TFR2: variants seen among roughly 807,000 people sequenced by gnomAD.
TFR2 encodes transferrin receptor protein 2.
In TFR2, 64 loss-of-function variants were observed where a neutral mutation model predicts 91.9. The ratio of observed to expected loss-of-function variants is 0.70; its 90% CI spans 0.57 to 0.86. The LOEUF (loss-of-function observed/expected upper bound fraction) is 0.86. Among genes scored for constraint, TFR2 ranks in the 40% least tolerant of loss-of-function variants. TFR2 has a pLI of 0.00. For synonymous variants in TFR2, 454 were observed against 459.6 expected, an observed-to-expected ratio of 0.99 and a Z score of 0.15; for missense variants, 950 against 1,080.5, an observed-to-expected ratio of 0.88 and a Z score of 1.69.
At chr7:100,630,505 G>A (rs1803403774) in intron 9 of TFR2, among the ~76,000 whole-genome samples, 2 of 152,036 alleles carry the variant, frequency 1.3e-5, no homozygotes. Context: ...AGCCAAGCTG[G>A]TCTCAAACTC....
rs1803071522 is a variant in TFR2 at position 100,620,463 on chromosome 7, C to T, written c.*394G>A. On this transcript the variant is annotated 3_prime_UTR_variant, in exon 18 of 18. Transcript: ENST00000223051. ...TTATTGATATTGAAACTCCACGCCC[C>T]TTTCACCACAGACCACCTGTTGGCC... 5.3e-6 allele frequency: 1 copy of T among 189,148 alleles called. No individual in the cohort carries two copies. Among genetic ancestry groups the T allele is most frequent in the Non-Finnish European group, 1.1e-5 (1 of 90,608 alleles). 11.7% of individuals were successfully genotyped at this position (189,148 alleles called of 1,614,324 possible).
chr7:100,627,283 T>G lies in TFR2; in HGVS notation c.1976A>C (p.Glu659Ala). The change falls in exon 16 of 18, where the codon GAG (glutamate) becomes GCG (alanine). Residue 659 changes from glutamate (E) to alanine (A), a missense_variant. By Grantham distance (107) the Glu-to-Ala change is moderately radical. Coordinates refer to ENST00000223051, the MANE Select transcript of TFR2 (RefSeq NM_003227.4). ...TTGAACCTTGAGGTCCCCAGAGAAC[T>G]CGTTGAGGTTCCCGATGTGCCTGAG... ...VVLRHIGNLN[E>A]FSGDLKARGL... 6.5e-7 allele frequency: 1 copy of G among 1,549,218 alleles called. No individual in the cohort carries two copies. The highest frequency in any genetic ancestry group is 8.7e-7 in the Non-Finnish European group (1 of 1,146,774).
At chr7:100,629,189 ATCCTCC>A (rs1803356862) in intron 10 of TFR2, 58 bp downstream of exon 10, 25 of 1,603,920 alleles carry the variant, frequency 1.6e-5, no homozygotes, top group Non-Finnish European at 2.0e-5. Context: ...TCTCTGCCCT[ATCCTCC>A]TCGGGCCACA....
Position 100,627,427 on chromosome 7 carries a change from A to C in TFR2, c.1832T>G (p.Leu611Arg). ...GGCCACGGCGGGCAGGCGGCCTTGC[A>C]GCACCTTATGCAGGTTCTCATAAGT... ...EDTYENLHKV[L>R]QGRLPAVAQA... Residue 611 changes from leucine (L) to arginine (R), a missense_variant, in exon 16 of 18, where the codon CTG becomes CGG. Physicochemically the swap from Leu to Arg is moderately radical, Grantham distance 102 (BLOSUM62 -2). Coordinates refer to ENST00000223051, the MANE Select transcript of TFR2 (RefSeq NM_003227.4). 1 of 1,583,794 alleles carries C rather than the reference A, an allele frequency of 6.3e-7. No individual in the cohort carries two copies. The highest frequency in any genetic ancestry group is 8.6e-7 in the Non-Finnish European group (1 of 1,165,176).
intron 6 of TFR2, chr7:100,632,690 C>T: frequency 2.8e-6 from 1 of 361,308 alleles, no homozygotes; most frequent in Non-Finnish European, 5.1e-6. Context: ...GCTGGGACCA[C>T]ATGCATGTGC....
chr7:100,640,618 G>A, intron 3 of TFR2, 68 bp downstream of exon 3: 3 of 1,561,392 alleles, frequency 1.9e-6, no homozygotes, highest in Admixed American at 1.7e-5. Context: ...CCAGGAGGCA[G>A]GGAGGCCCAG....
In TFR2 at chr7:100,629,259, T is replaced by A; in HGVS notation, c.1384A>T (p.Ser462Cys). 3 of 1,613,772 alleles carry A rather than the reference T, an allele frequency of 1.9e-6. No homozygotes were observed. The South Asian group carries it at 3.3e-5, about 18-fold the overall frequency. Reference protein sequence around the residue: ...ELVRTFSSMVSNGFRPRRSLL... With the variant: ...ELVRTFSSMVCNGFRPRRSLL... ...GCCCTGGCCCTGACCTTACCGTTGC[T>A]CACCATGGAGGAAAAGGTCCGCACC... The change falls in exon 10 of 18, where the codon AGC (serine) becomes TGC (cysteine). Residue 462 changes from serine (S) to cysteine (C), a missense_variant. Transcript: ENST00000223051.
intron 6 of TFR2, 134 bp downstream of exon 6, chr7:100,632,867 A>G: frequency 1.4e-6 from 2 of 1,476,210 alleles, no homozygotes; most frequent in Non-Finnish European, 1.9e-6. Flanking sequence ...CATCGTGCCC[A>G]GCTTATATTT....
intron 6 of TFR2, chr7:100,632,738 C>CTTT (rs35046097): frequency 4.8e-4 from 89 of 184,800 alleles, no homozygotes; most frequent in Admixed American, 1.1e-3. Flanking sequence ...AAAAAAGAAC[C>CTTT]TTTTTTTTTT....
At chr7:100,631,968 G>T in intron 7 of TFR2, 23 bp from the exon 8 acceptor site, 6 of 1,614,024 alleles carry the variant, frequency 3.7e-6, no homozygotes, top group Non-Finnish European at 5.1e-6. Context: ...GGGTGCCCAC[G>T]CAAAGCTGCG....
chr7:100,626,652 A>G, intron 17 of TFR2, 111 bp downstream of exon 17: 1 of 1,499,024 alleles, frequency 6.7e-7, no homozygotes. Context: ...GAGGACCGGG[A>G]CTGTGTAGGC....
intron 6 of TFR2, among the ~76,000 whole-genome samples, chr7:100,632,553 T>C (rs540220156): frequency 3.7e-4 from 54 of 144,374 alleles, no homozygotes; most frequent in African/African-American, 9.4e-4. Flanking sequence ...TTCTCTCTCT[T>C]TTTTTTTTTT....
Position 100,621,127 on chromosome 7 carries a change from C to T in TFR2, c.2137-1G>A, listed in dbSNP as rs80338890. 15 of 1,512,708 alleles carry T rather than the reference C, an allele frequency of 9.9e-6. No individual in the cohort carries two copies. Among genetic ancestry groups the T allele is most frequent in the African/African-American group, 1.4e-5 (1 of 72,500 alleles). The allele number at this position is 1,512,708 out of a possible 1,614,324, so 93.7% of individuals were successfully genotyped here. A position where few individuals can be genotyped will look rare whatever the true frequency, so the allele number is the denominator to read the frequency against. ...ACTGGGAAAGGAAGTAGAACTCCAC[C>T]TGCGCAGAGAGGGGGATCAGGTCAG... On this transcript the variant is annotated splice_acceptor_variant, in intron 17 of 17. Transcript: ENST00000223051. LOFTEE classifies it high-confidence loss of function.
intron 8 of TFR2, chr7:100,631,488 T>TGG: frequency 3.2e-6 from 1 of 317,074 alleles, no homozygotes; most frequent in Non-Finnish European, 6.1e-6. Context: ...CCGGGCGTGG[T>TGG]GGGGGGGCAC....
At chr7:100,623,127 G>A (rs1803151504) in intron 17 of TFR2, among the ~76,000 whole-genome samples, 1 of 152,100 alleles carries the variant, frequency 6.6e-6, no homozygotes, top group African/African-American at 2.4e-5. Flanking sequence ...ACAAAAATTA[G>A]CTGGGTGTGG....
chr7:100,639,228 G>C (rs545773687), intron 3 of TFR2, among the ~76,000 whole-genome samples: 13 of 152,162 alleles, frequency 8.5e-5, no homozygotes, highest in African/African-American at 3.1e-4. Flanking sequence ...TTAATCAAGC[G>C]TGATGGCACA....
rs1331606140 is a variant in TFR2 at position 100,628,246 on chromosome 7, A to G, written c.1451T>C (p.Val484Ala). 1 of 1,602,294 alleles carries G rather than the reference A, an allele frequency of 6.2e-7. No individual in the cohort carries two copies. Among genetic ancestry groups the G allele is most frequent in the Non-Finnish European group, 8.5e-7 (1 of 1,177,886 alleles). The change falls in exon 11 of 18, where the codon GTG (valine) becomes GCG (alanine). Residue 484 changes from valine to alanine, a missense_variant. Physicochemically the swap from Val to Ala is moderately conservative, Grantham distance 64. Coordinates refer to ENST00000223051, the MANE Select transcript of TFR2 (RefSeq NM_003227.4). Reference protein sequence around the residue: ...ISWDGGDFGSVGSTEWLEGYL... With the variant: ...ISWDGGDFGSAGSTEWLEGYL... ...CACCTCTAGCCACTCCGTGGAGCCC[A>G]CGCTTCCAAAGTCACCACCGTCCCA...
chr7:100,637,397 C>T (rs1349490705), intron 3 of TFR2, among the ~76,000 whole-genome samples: 2 of 76,056 alleles, frequency 2.6e-5, no homozygotes, highest in African/African-American at 1.2e-4. Context: ...GAAACTCTGT[C>T]TCACAAAAAA....
intron 3 of TFR2, chr7:100,639,678 G>A (rs1226320346): frequency 6.6e-6 from 1 of 151,806 alleles, no homozygotes; most frequent in African/African-American, 2.4e-5. Flanking sequence ...AAACCCAGGC[G>A]AATCCACTGA....
Sources: gnomAD v4.1 joint callset for allele counts (sites outside exome capture counted in the v4.1 genomes callset) on GRCh38, gnomAD v4.1.1 for gene constraint, MANE v1.5 for transcripts, NCBI Gene and HGNC (gene_info 2026-07-23, HGNC 2026-07-21) for gene names.